The following TXNDC16 variants were observed in gnomAD, a reference collection of about 807,000 sequenced individuals.
TXNDC16 encodes thioredoxin domain containing 16, also known as thioredoxin domain-containing protein 16.
TXNDC16 carries 74 observed loss-of-function variants against 85.6 expected under a neutral mutation model. The ratio of observed to expected loss-of-function variants is 0.86; its 90% confidence interval spans 0.72 to 1.05. The LOEUF is 1.05. TXNDC16 is among the 50% of genes least tolerant of loss of function. The probability of loss-of-function intolerance (pLI) is 0.00; values close to 1 mark genes in which losing one functional copy is unlikely to be tolerated. For synonymous variants in TXNDC16, 335 were observed against 326.5 expected, an observed-to-expected ratio of 1.03 and a Z score of -0.28; for missense variants, 959 against 947.0, an observed-to-expected ratio of 1.01 and a Z score of -0.17.
chr14:52,474,120 A>G (rs1298081218), intron 14 of TXNDC16, among the ~76,000 whole-genome samples: 4 of 152,230 alleles, frequency 2.6e-5, no homozygotes, highest in African/African-American at 9.6e-5. Flanking sequence ...TTCTACAAAC[A>G]CATACAACTC....
At chr14:52,434,626 G>T (rs1362645757) in intron 20 of TXNDC16, among the ~76,000 whole-genome samples, 1 of 152,168 alleles carries the variant, frequency 6.6e-6, no homozygotes, top group African/African-American at 2.4e-5. Context: ...AATAAGTAAG[G>T]TGAGGCAGAC....
rs1443216530 is a variant in TXNDC16 at position 52,432,299 on chromosome 14, T to C, written c.*5A>G. The C allele has an allele frequency of 1.9e-6, 3 of 1,595,766 alleles. No individual in the cohort carries two copies. Among genetic ancestry groups the C allele is most frequent in the African/African-American group, 2.7e-5 (2 of 74,056 alleles). On this transcript the variant is annotated 3_prime_UTR_variant, in exon 21 of 21. Coordinates refer to ENST00000281741, the MANE Select transcript of TXNDC16 (RefSeq NM_020784.3). ...AAAAATTTTGGAAACCACAGCCCTATAAAATTAGTTCACTTTTGAGCATCC... is the reference window on the plus strand; with the variant it reads ...AAAAATTTTGGAAACCACAGCCCTACAAAATTAGTTCACTTTTGAGCATCC...
chr14:52,456,964 TAAA>T (rs886454600), intron 17 of TXNDC16, 123 bp downstream of exon 17: 2 of 634,282 alleles, frequency 3.2e-6, no homozygotes, highest in South Asian at 2.0e-5. Context: ...TAGAAGGAAA[TAAA>T]AAAAATTTCT....
chr14:52,450,853 T>TTATATATATATATA (rs71125107), intron 18 of TXNDC16, among the ~76,000 whole-genome samples: 1 of 145,048 alleles, frequency 6.9e-6, no homozygotes, highest in Non-Finnish European at 1.5e-5. Context: ...AAAATGTGTT[T>TTATATATATATATA]TATATATATA....
chr14:52,439,059 T>C, intron 20 of TXNDC16, 145 bp downstream of exon 20: 4 of 803,084 alleles, frequency 5.0e-6, no homozygotes, highest in Non-Finnish European at 5.8e-6. Flanking sequence ...CTTGCACCTT[T>C]GGCCTCCCAG....
intron 2 of TXNDC16, 117 bp from the exon 3 acceptor site, chr14:52,543,747 TTACTA>T (rs749454784): frequency 6.0e-5 from 34 of 564,058 alleles, no homozygotes; most frequent in Middle Eastern, 3.5e-4. Flanking sequence ...TGCTAGTACT[TTACTA>T]TATCATAAAA....
chr14:52,450,264 A>T (rs1052871494), intron 18 of TXNDC16, among the ~76,000 whole-genome samples: 1 of 151,976 alleles, frequency 6.6e-6, no homozygotes, highest in Non-Finnish European at 1.5e-5. Flanking sequence ...CAATTGATAT[A>T]GCAGAAATTC....
At chr14:52,441,708 C>T (rs1165160153) in intron 18 of TXNDC16, among the ~76,000 whole-genome samples, 2 of 151,988 alleles carry the variant, frequency 1.3e-5, no homozygotes, top group African/African-American at 2.4e-5. Context: ...TTTTGTATGC[C>T]TTTCTCCTAT....
chr14:52,506,407 A>G (rs1432149585), intron 9 of TXNDC16, among the ~76,000 whole-genome samples: 7 of 152,196 alleles, frequency 4.6e-5, no homozygotes, highest in Non-Finnish European at 1.0e-4. Flanking sequence ...CTGGGATACA[A>G]GGCTGGCTCA....
At position 52,459,979 on chromosome 14, in the gene TXNDC16, C is replaced by A. The variant is rs1365070295; in HGVS notation, c.1619-2805G>T. 3.3e-5 allele frequency among the ~76,000 whole-genome samples: 5 copies of A among 152,080 alleles called. No homozygotes were observed. In the East Asian group the frequency reaches 9.6e-4, roughly 29 times the overall value. ...TGAATGGGCAAACGTTGGAAGTAAT[C>A]CCCTTGAAAACTGGCACAAGACAAG... is the stretch of plus-strand genomic sequence containing the variant. On this transcript the variant is annotated intron_variant, in intron 16 of 20. Coordinates refer to ENST00000281741, the MANE Select transcript of TXNDC16 (RefSeq NM_020784.3).
intron 16 of TXNDC16, among the ~76,000 whole-genome samples, chr14:52,469,269 C>T (rs2035847172): frequency 6.6e-6 from 1 of 151,472 alleles, no homozygotes; most frequent in Non-Finnish European, 1.5e-5. Flanking sequence ...ATTGCTTGAG[C>T]CCAGGAAGCA....
At chr14:52,533,482 C>T (rs1183398025) in intron 6 of TXNDC16, among the ~76,000 whole-genome samples, 1 of 152,144 alleles carries the variant, frequency 6.6e-6, no homozygotes, top group Non-Finnish European at 1.5e-5. Context: ...CTCACATCCA[C>T]CAGAAAGATC....
intron 18 of TXNDC16, among the ~76,000 whole-genome samples, chr14:52,442,328 A>G (rs1464334855): frequency 6.6e-6 from 1 of 152,172 alleles, no homozygotes; most frequent in Non-Finnish European, 1.5e-5. Context: ...GGGGAAGCCA[A>G]CACAGAGACT....
Position 52,470,229 on chromosome 14 carries a change from TAAAA to T in TXNDC16, c.1482-60_1482-57del, listed in dbSNP as rs34421151. Reference sequence around the variant, plus strand: ...AATTTTTTAAGATATTTTCAGTTTGTAAAAAAAAAGCATACTAAACATAGCAAAC... The same window carrying T: ...AATTTTTTAAGATATTTTCAGTTTGTAAAAAGCATACTAAACATAGCAAAC... On this transcript the variant is annotated intron_variant, in intron 15 of 20. Coordinates refer to ENST00000281741, the MANE Select transcript of TXNDC16 (RefSeq NM_020784.3). 9,325 of 1,349,622 alleles carry T rather than the reference TAAAA, an allele frequency of 6.9e-3. 493 individuals carry two copies. The African/African-American group carries it at 0.12, about 18-fold the overall frequency. 83.6% of individuals were successfully genotyped at this position (1,349,622 alleles called of 1,614,324 possible). A position where few individuals can be genotyped will look rare whatever the true frequency, so the allele number is the denominator to read the frequency against.
chr14:52,530,761 G>T (rs1038390879), intron 6 of TXNDC16, among the ~76,000 whole-genome samples: 1 of 145,238 alleles, frequency 6.9e-6, no homozygotes, highest in Non-Finnish European at 1.5e-5. Context: ...GTATGTCTCT[G>T]TGTATTAGAA....
chr14:52,455,621 C>T (rs1407758216), intron 17 of TXNDC16, among the ~76,000 whole-genome samples, 159 bp from the exon 18 acceptor site: 1 of 152,128 alleles, frequency 6.6e-6, no homozygotes, highest in Non-Finnish European at 1.5e-5. Flanking sequence ...TCTTCTATGA[C>T]AACCTACATT....
Position 52,488,501 on chromosome 14 carries a change from A to G in TXNDC16, c.985-15T>C, listed in dbSNP as rs1315526074. The G allele has an allele frequency of 6.4e-7, 1 of 1,572,648 alleles. No individual in the cohort carries two copies. The highest frequency in any genetic ancestry group is 1.4e-5 in the African/African-American group (1 of 73,118). On this transcript the variant is annotated splice_polypyrimidine_tract_variant and intron_variant, in intron 11 of 20. Coordinates refer to ENST00000281741, the MANE Select transcript of TXNDC16 (RefSeq NM_020784.3). Reference sequence around the variant, plus strand: ...ACTGGAACTCCCTAGAAATACATTAATTTTTAAAAAATGAATATAGCAAAG... The same window carrying G: ...ACTGGAACTCCCTAGAAATACATTAGTTTTTAAAAAATGAATATAGCAAAG...
At chr14:52,436,691 T>C (rs1035425487) in intron 20 of TXNDC16, among the ~76,000 whole-genome samples, 1 of 152,168 alleles carries the variant, frequency 6.6e-6, no homozygotes, top group Non-Finnish European at 1.5e-5. Context: ...GGTGTAATGA[T>C]TGACCCTAAA....
At chr14:52,541,728 AC>A in intron 4 of TXNDC16, among the ~76,000 whole-genome samples, 1 of 152,166 alleles carries the variant, frequency 6.6e-6, no homozygotes, top group Non-Finnish European at 1.5e-5. Context: ...TCACTGGGTT[AC>A]CCCTCATTCA....
Sources: gnomAD v4.1 joint callset for allele counts (sites outside exome capture counted in the v4.1 genomes callset) on GRCh38, gnomAD v4.1.1 for gene constraint, MANE v1.5 for transcripts, NCBI Gene and HGNC (gene_info 2026-07-23, HGNC 2026-07-21) for gene names.